Variants in PDGFC observed in about 807,000 individuals in gnomAD.
PDGFC encodes the protein platelet-derived growth factor C.
In PDGFC, 12 loss-of-function variants were observed where a neutral mutation model predicts 35.5. The observed-to-expected ratio is 0.34, with a 90% CI of 0.22 to 0.55. PDGFC has a LOEUF of 0.55. Among genes scored for constraint, PDGFC ranks in the 20% least tolerant of loss-of-function variants. The pLI is 0.91. For missense variants in PDGFC, 322 were observed against 412.4 expected, an observed-to-expected ratio of 0.78 and a Z score of 1.90; for synonymous variants, 159 against 148.8, an observed-to-expected ratio of 1.07 and a Z score of -0.50.
chr4:156,879,099 T>C (rs1288278328), intron 1 of PDGFC, among the ~76,000 whole-genome samples: 2 of 152,210 alleles, frequency 1.3e-5, no homozygotes, highest in Non-Finnish European at 2.9e-5. Context: ...GTTTTGTACA[T>C]AGCATATCCT....
rs1329505206 is a variant in PDGFC, at chr4:156,901,033, A to G, written c.119-50617T>C. On this transcript the variant is annotated intron_variant, in intron 1 of 5. Coordinates refer to ENST00000502773, the MANE Select transcript of PDGFC (RefSeq NM_016205.3). ...GAGAATGCAAAAGATGAAACTGAAA[A>G]GTGAAGAGTAAGCTTACCATACTCA... Among the ~76,000 whole-genome samples, 6 of 152,286 alleles carry G rather than the reference A, an allele frequency of 3.9e-5. No homozygotes were observed. In the South Asian group the frequency reaches 1.0e-3, roughly 26 times the overall value.
At chr4:156,913,089 AC>A (rs969650890) in intron 1 of PDGFC, among the ~76,000 whole-genome samples, 2 of 152,006 alleles carry the variant, frequency 1.3e-5, no homozygotes, top group African/African-American at 4.8e-5. Flanking sequence ...GTCTCTTGTT[AC>A]CCCCTTCTTC....
chr4:156,932,062 A>T (rs1731562306), intron 1 of PDGFC, among the ~76,000 whole-genome samples: 1 of 152,192 alleles, frequency 6.6e-6, no homozygotes, highest in African/African-American at 2.4e-5. Context: ...ATGGATATTT[A>T]CTTACTAATG....
chr4:156,850,687 T>G (rs933243060), intron 1 of PDGFC, among the ~76,000 whole-genome samples: 1 of 152,086 alleles, frequency 6.6e-6, no homozygotes, highest in South Asian at 2.1e-4. Context: ...TACAAACTCT[T>G]TTGGAGTCCT....
intron 3 of PDGFC, among the ~76,000 whole-genome samples, chr4:156,784,420 G>C (rs1361060566): frequency 6.6e-6 from 1 of 152,168 alleles, no homozygotes; most frequent in East Asian, 1.9e-4. Flanking sequence ...CAACAAGAAA[G>C]AGGAGTAAAA....
intron 2 of PDGFC, among the ~76,000 whole-genome samples, chr4:156,841,114 T>C (rs1729192744): frequency 6.6e-6 from 1 of 150,952 alleles, no homozygotes; most frequent in African/African-American, 2.4e-5. Flanking sequence ...GTGATGACTG[T>C]GTTTTGAAAT....
At chr4:156,827,740 C>T (rs1297456121) in intron 2 of PDGFC, among the ~76,000 whole-genome samples, 2 of 152,144 alleles carry the variant, frequency 1.3e-5, no homozygotes, top group Non-Finnish European at 2.9e-5. Context: ...CATACACACA[C>T]ATACCCATTA....
At chr4:156,867,981 G>A (rs535612048) in intron 1 of PDGFC, among the ~76,000 whole-genome samples, 3 of 152,146 alleles carry the variant, frequency 2.0e-5, no homozygotes, top group African/African-American at 7.2e-5. Flanking sequence ...GGGTTCAAGC[G>A]ATTCTTGTGC....
intron 3 of PDGFC, among the ~76,000 whole-genome samples, chr4:156,784,527 A>C (rs539080742): frequency 6.6e-6 from 1 of 152,346 alleles, no homozygotes; most frequent in African/African-American, 2.4e-5. Flanking sequence ...GCCGTTAAAA[A>C]GCAGTGAAAT....
intron 3 of PDGFC, among the ~76,000 whole-genome samples, chr4:156,789,228 A>C (rs1175132653): frequency 6.6e-6 from 1 of 152,234 alleles, no homozygotes; most frequent in Non-Finnish European, 1.5e-5. Flanking sequence ...AGAAAAACTT[A>C]TGATTCTTAA....
chr4:156,823,509 C>A (rs929138145), intron 2 of PDGFC, among the ~76,000 whole-genome samples: 1 of 152,232 alleles, frequency 6.6e-6, no homozygotes, highest in South Asian at 2.1e-4. Flanking sequence ...GAAGACTTCA[C>A]CTCTGTGGCA....
intron 1 of PDGFC, among the ~76,000 whole-genome samples, chr4:156,863,200 G>A (rs147161998): frequency 4.5e-4 from 69 of 152,274 alleles, no homozygotes; most frequent in African/African-American, 1.6e-3. Context: ...AAAAGAGAGT[G>A]ATGTTATTAA....
At chr4:156,898,183 A>G (rs994848531) in intron 1 of PDGFC, among the ~76,000 whole-genome samples, 5 of 152,144 alleles carry the variant, frequency 3.3e-5, no homozygotes, top group Admixed American at 6.6e-5. Flanking sequence ...CTCTTCCACT[A>G]TGTGAGGAAG....
intron 5 of PDGFC, among the ~76,000 whole-genome samples, chr4:156,766,812 A>G (rs1730542194): frequency 6.6e-6 from 1 of 152,054 alleles, no homozygotes; most frequent in African/African-American, 2.4e-5. Flanking sequence ...ATAAAGTGGG[A>G]AAAAAAGCAC....
At chr4:156,898,269 C>T (rs749884697) in intron 1 of PDGFC, among the ~76,000 whole-genome samples, 11 of 152,108 alleles carry the variant, frequency 7.2e-5, no homozygotes, top group Non-Finnish European at 1.0e-4. Context: ...CTTGGACTTC[C>T]CAGCCTCAAG....
intron 1 of PDGFC, among the ~76,000 whole-genome samples, chr4:156,938,756 C>A (rs755993067): frequency 6.6e-6 from 1 of 151,634 alleles, no homozygotes; most frequent in Non-Finnish European, 1.5e-5. Context: ...AAGGAAAAAT[C>A]TAAAAGTTAT....
At chr4:156,894,905 C>T (rs1386424655) in intron 1 of PDGFC, among the ~76,000 whole-genome samples, 1 of 152,104 alleles carries the variant, frequency 6.6e-6, no homozygotes, top group South Asian at 2.1e-4. Flanking sequence ...TATTATGACC[C>T]TCAGGATTTT....
At chr4:156,921,946 T>G (rs930509427) in intron 1 of PDGFC, among the ~76,000 whole-genome samples, 1 of 152,026 alleles carries the variant, frequency 6.6e-6, no homozygotes, top group Non-Finnish European at 1.5e-5. Flanking sequence ...CCCAGTGCAG[T>G]GATCGATGCA....
chr4:156,867,085 C>A (rs976928407), intron 1 of PDGFC, among the ~76,000 whole-genome samples: 1 of 152,112 alleles, frequency 6.6e-6, no homozygotes, highest in Non-Finnish European at 1.5e-5. Flanking sequence ...GTATAATAGG[C>A]ATCCTTATAA....
Sources: allele counts gnomAD v4.1 joint callset (sites outside exome capture counted in the v4.1 genomes callset), GRCh38; gene constraint gnomAD v4.1.1; transcripts MANE v1.5; gene names NCBI Gene and HGNC (gene_info 2026-07-23, HGNC 2026-07-21).